The following KAZN variants were observed in gnomAD, a reference collection of about 807,000 sequenced individuals.
KAZN encodes the protein kazrin.
In KAZN, 40 loss-of-function variants were observed where a neutral mutation model predicts 87.4. The ratio of observed to expected loss-of-function variants is 0.46; its 90% CI spans 0.36 to 0.60. The LOEUF (loss-of-function observed/expected upper bound fraction) is 0.60. Ranked by LOEUF, KAZN falls within the 20% of genes least tolerant of loss-of-function variation. The probability of loss-of-function intolerance (pLI) is 0.00; values close to 1 mark genes in which losing one functional copy is unlikely to be tolerated. For missense variants in KAZN, 898 were observed against 1,073.9 expected (o/e 0.84, Z 2.29); for synonymous variants, 466 against 458.3 (o/e 1.02, Z -0.22).
chr1:14,987,631 G>A (rs373124825), intron 2 of KAZN, among the ~76,000 whole-genome samples: 2 of 152,200 alleles, frequency 1.3e-5, no homozygotes, highest in African/African-American at 4.8e-5. Context: ...CGTATGTTGG[G>A]GACCCAGAAG....
intron 1 of KAZN, among the ~76,000 whole-genome samples, chr1:14,049,082 T>C (rs1481077576): frequency 6.6e-6 from 1 of 152,066 alleles, no homozygotes; most frequent in Non-Finnish European, 1.5e-5. Context: ...CCAACAATGA[T>C]AGACTGAATT....
chr1:15,029,251 C>G (rs1293653322), intron 2 of KAZN, among the ~76,000 whole-genome samples: 1 of 152,214 alleles, frequency 6.6e-6, no homozygotes, highest in East Asian at 1.9e-4. Context: ...TTTGTCTCCT[C>G]TATGAGAGCG....
At chr1:14,866,571 TA>T (rs1557569806) in intron 1 of KAZN, among the ~76,000 whole-genome samples, 1 of 151,908 alleles carries the variant, frequency 6.6e-6, no homozygotes, top group Non-Finnish European at 1.5e-5. Flanking sequence ...CTGCCAAAAA[TA>T]AAAAATGAAC....
chr1:13,983,456 A>C (rs538635039), intron 1 of KAZN, among the ~76,000 whole-genome samples: 1 of 152,272 alleles, frequency 6.6e-6, no homozygotes, highest in East Asian at 1.9e-4. Flanking sequence ...GGCTGCTCTG[A>C]GTGCAGGGCC....
chr1:14,108,252 T>C (rs1326689118), intron 1 of KAZN, among the ~76,000 whole-genome samples: 2 of 151,956 alleles, frequency 1.3e-5, no homozygotes, highest in East Asian at 3.9e-4. Context: ...TCTCCCCACC[T>C]CCACCAAGCC....
intron 2 of KAZN, among the ~76,000 whole-genome samples, chr1:14,419,529 T>C (rs1025358064): frequency 2.6e-5 from 4 of 152,218 alleles, no homozygotes; most frequent in Non-Finnish European, 4.4e-5. Context: ...TGTGGGGAAG[T>C]GTCCGGAATT....
intron 2 of KAZN, among the ~76,000 whole-genome samples, chr1:14,359,217 T>G (rs1050827982): frequency 4.6e-5 from 7 of 152,234 alleles, no homozygotes; most frequent in Admixed American, 3.9e-4. Context: ...TAAAGTCTGT[T>G]TTATCAGAGA....
chr1:13,898,854 G>T (rs1639141649), intron 1 of KAZN, among the ~76,000 whole-genome samples: 2 of 152,166 alleles, frequency 1.3e-5, no homozygotes. Context: ...AACAATATAG[G>T]GGTCCTTCTG....
At chr1:14,780,530 C>T (rs1645300036) in intron 1 of KAZN, among the ~76,000 whole-genome samples, 1 of 152,242 alleles carries the variant, frequency 6.6e-6, no homozygotes, top group Non-Finnish European at 1.5e-5. Context: ...GGTTTCTCTT[C>T]TGTCAAATGG....
intron 1 of KAZN, among the ~76,000 whole-genome samples, chr1:14,943,997 C>T (rs572975366): frequency 1.3e-5 from 2 of 152,252 alleles, no homozygotes; most frequent in Admixed American, 6.5e-5. Flanking sequence ...TCGCTTGAAC[C>T]CGGGAGGCGG....
In KAZN at chr1:14,220,153, G is replaced by A. The variant is rs1380192934; in HGVS notation, c.249+39561G>A. Among the ~76,000 whole-genome samples the A allele has an allele frequency of 3.3e-5, 5 of 152,092 alleles. No individual in the cohort carries two copies. The South Asian group carries it at 6.2e-4, about 19-fold the overall frequency. ...GTGCTCTCTGTGTTCTCCTGCCTTG[G>A]CATTACCTGAAGTCATATGCAGTTA... On this transcript the variant is annotated intron_variant, in intron 2 of 16. Transcript: ENST00000636203.
intron 1 of KAZN, among the ~76,000 whole-genome samples, chr1:14,603,072 CTT>C (rs1557829893): frequency 6.6e-6 from 1 of 152,168 alleles, no homozygotes; most frequent in East Asian, 1.9e-4. Context: ...ACTGGAAACT[CTT>C]TCGTGAAGTA....
chr1:14,633,498 C>G (rs1384882236), intron 1 of KAZN, among the ~76,000 whole-genome samples: 1 of 152,130 alleles, frequency 6.6e-6, no homozygotes, highest in Non-Finnish European at 1.5e-5. Flanking sequence ...GGATTCTCCC[C>G]TAGAGCTTCT....
intron 1 of KAZN, among the ~76,000 whole-genome samples, chr1:14,141,914 G>A (rs1321763876): frequency 2.6e-5 from 4 of 152,106 alleles, no homozygotes; most frequent in African/African-American, 9.7e-5. Flanking sequence ...TATTCAGTTT[G>A]AGGTTGTAAG....
chr1:14,518,834 G>A (rs1044730193), intron 2 of KAZN, among the ~76,000 whole-genome samples: 3 of 152,236 alleles, frequency 2.0e-5, no homozygotes, highest in African/African-American at 4.8e-5. Context: ...AAGCACGTAG[G>A]TGCTCAATAA....
At chr1:15,105,210 G>C (rs1641252734) in intron 13 of KAZN, among the ~76,000 whole-genome samples, 1 of 152,128 alleles carries the variant, frequency 6.6e-6, no homozygotes, top group Non-Finnish European at 1.5e-5. Context: ...TCCTCTTCTG[G>C]GTTTTGGAAA....
At chr1:15,039,692 A>G (rs903760259) in intron 3 of KAZN, among the ~76,000 whole-genome samples, 1 of 152,212 alleles carries the variant, frequency 6.6e-6, no homozygotes, top group African/African-American at 2.4e-5. Context: ...TAACATATCC[A>G]TCTCAAAGTG....
rs369336118 is a variant in KAZN, at chr1:14,353,291, C to G, written c.249+172699C>G. ...CCAGGCTGGAGTGCAGTGGCGCGATCTTGGCTCACTGCAAGCTCTGCCTCC... is the reference window on the plus strand; with the variant it reads ...CCAGGCTGGAGTGCAGTGGCGCGATGTTGGCTCACTGCAAGCTCTGCCTCC... On this transcript the variant is annotated intron_variant, in intron 2 of 16. Coordinates refer to the KAZN transcript ENST00000636203. Among the ~76,000 whole-genome samples, 12 of 148,694 alleles carry G rather than the reference C, an allele frequency of 8.1e-5. No individual in the cohort carries two copies. In the East Asian group the frequency reaches 2.0e-3, roughly 24 times the overall value.
intron 1 of KAZN, among the ~76,000 whole-genome samples, chr1:14,706,243 T>C (rs1460651546): frequency 6.6e-6 from 1 of 152,120 alleles, no homozygotes; most frequent in Non-Finnish European, 1.5e-5. Context: ...TGGTGACTTG[T>C]ATAATTATTT....
Sources: gnomAD v4.1 joint callset for allele counts (sites outside exome capture counted in the v4.1 genomes callset) on GRCh38, gnomAD v4.1.1 for gene constraint, MANE v1.5 for transcripts, NCBI Gene and HGNC (gene_info 2026-07-23, HGNC 2026-07-21) for gene names.